UBE2E1: variants seen among roughly 807,000 people sequenced by gnomAD.
The protein encoded by UBE2E1 is ubiquitin conjugating enzyme E2 E1, also known as ubiquitin-conjugating enzyme E2 E1.
Under a neutral mutation model 21.4 loss-of-function variants are expected in UBE2E1, and 6 were observed. The ratio of observed to expected loss-of-function variants is 0.28; its 90% confidence interval spans 0.15 to 0.55. The LOEUF is 0.55. Among genes scored for constraint, UBE2E1 ranks in the 20% least tolerant of loss-of-function variants. The probability of loss-of-function intolerance (pLI) is 0.93; values close to 1 mark genes in which losing one functional copy is unlikely to be tolerated. For missense variants in UBE2E1, 142 were observed against 236.5 expected, an observed-to-expected ratio of 0.60 and a Z score of 2.62; for synonymous variants, 87 against 82.7, an observed-to-expected ratio of 1.05 and a Z score of -0.28.
intron 3 of UBE2E1, among the ~76,000 whole-genome samples, chr3:23,857,170 C>T (rs1700460892): frequency 6.6e-6 from 1 of 151,704 alleles, no homozygotes; most frequent in Non-Finnish European, 1.5e-5. Context: ...AGGAAATTGG[C>T]ACTGAAGGGC....
chr3:23,829,164 C>CAAAA lies in UBE2E1; in HGVS notation c.203+17667_203+17670dup, dbSNP rs56097157. Among the ~76,000 whole-genome samples, 336 of 128,060 alleles carry CAAAA rather than the reference C, an allele frequency of 2.6e-3. 8 individuals carry two copies. The highest frequency in any genetic ancestry group is 0.012 in the Middle Eastern group (3 of 252). 84.0% of individuals were successfully genotyped at this position (128,060 alleles called of 152,430 possible). On this transcript the variant is annotated intron_variant, in intron 3 of 5. Coordinates refer to ENST00000306627, the MANE Select transcript of UBE2E1 (RefSeq NM_003341.5). ...TTATTATTATTTTGAGACAGGGCCT[C>CAAAA]AAAAAAAAAAAAAAAAGAGAGGGCC...
chr3:23,878,907 T>A, intron 3 of UBE2E1: 1 of 354,138 alleles, frequency 2.8e-6, no homozygotes, highest in Non-Finnish European at 5.5e-6. Flanking sequence ...TCCCAAACCA[T>A]CCCACCCCCC....
At chr3:23,885,422 AG>A (rs1162223581) in intron 3 of UBE2E1, among the ~76,000 whole-genome samples, 1 of 152,198 alleles carries the variant, frequency 6.6e-6, no homozygotes, top group African/African-American at 2.4e-5. Flanking sequence ...TCACTGGAGA[AG>A]TTTCTGCCTG....
chr3:23,827,048 GAA>G (rs914088935), intron 3 of UBE2E1, among the ~76,000 whole-genome samples: 15 of 152,034 alleles, frequency 9.9e-5, no homozygotes, highest in African/African-American at 3.6e-4. Flanking sequence ...AAACAGCTAA[GAA>G]AAGGGCCCTT....
intron 3 of UBE2E1, among the ~76,000 whole-genome samples, chr3:23,815,750 C>T (rs1699501546): frequency 6.6e-6 from 1 of 152,208 alleles, no homozygotes. Flanking sequence ...CAGAAGTCAT[C>T]CTTTATAAAA....
rs1192102266 is a variant in UBE2E1 at position 23,842,694 on chromosome 3, C to T, written c.203+31184C>T. On this transcript the variant is annotated intron_variant, in intron 3 of 5. Coordinates refer to ENST00000306627, the MANE Select transcript of UBE2E1 (RefSeq NM_003341.5). The surrounding 1 kb of genome is among the most constrained non-coding windows in gnomAD (Gnocchi z 4.6). ...ATCTCATTATCACAAATTACAAGTG[C>T]GCTATTCGGTTTTTAAAAATTTTAA... 3.9e-5 allele frequency among the ~76,000 whole-genome samples: 6 copies of T among 152,034 alleles called. No homozygotes were observed. Among genetic ancestry groups the T allele is most frequent in the Non-Finnish European group, 8.8e-5 (6 of 68,016 alleles).
At position 23,891,512 on chromosome 3, in the gene UBE2E1, A is replaced by G. The variant is rs1701465828; in HGVS notation, c.*906A>G. 6.6e-6 allele frequency: 1 copy of G among 152,210 alleles called. No individual in the cohort carries two copies. The highest frequency in any genetic ancestry group is 2.4e-5 in the African/African-American group (1 of 41,448). The allele number at this position is 152,210 out of a possible 1,614,324, so 9.4% of individuals were successfully genotyped here. On this transcript the variant is annotated 3_prime_UTR_variant, in exon 6 of 6. Transcript: ENST00000306627. ...TAGAAAAGGTTAAATAATCTACCCC[A>G]TTTAGGCTTCAAAGACGAACCCTAC...
intron 3 of UBE2E1, among the ~76,000 whole-genome samples, chr3:23,847,918 T>A (rs1451953418): frequency 6.6e-6 from 1 of 152,246 alleles, no homozygotes; most frequent in African/African-American, 2.4e-5. Flanking sequence ...CAGTTTCTTG[T>A]GCATCCTGTG....
Position 23,842,250 on chromosome 3 carries a change from G to GTGTGTGTGTGTTGT in UBE2E1, c.203+30743_203+30744insGTGTGTGTTGTTGT, listed in dbSNP as rs1553637746. On this transcript the variant is annotated intron_variant, in intron 3 of 5. Coordinates refer to ENST00000306627, the MANE Select transcript of UBE2E1 (RefSeq NM_003341.5). This position sits in a 1 kb window ranked among gnomAD's most constrained non-coding sequence, Gnocchi z 4.6. ...GTGTGTGTGTGTGTGTGTGTGTGTG[G>GTGTGTGTGTGTTGT]TGTTGTTGTTGTTGGCGACAGGGTC... 1.2e-5 allele frequency among the ~76,000 whole-genome samples: 1 copy of GTGTGTGTGTGTTGT among 86,288 alleles called. No homozygotes were observed. Among genetic ancestry groups the GTGTGTGTGTGTTGT allele is most frequent in the Non-Finnish European group, 2.3e-5 (1 of 43,230 alleles). 56.6% of individuals were successfully genotyped at this position (86,288 alleles called of 152,430 possible). A position where few individuals can be genotyped will look rare whatever the true frequency, so the allele number is the denominator to read the frequency against.
At chr3:23,889,428 C>T in intron 5 of UBE2E1, 169 bp downstream of exon 5, 2 of 1,462,550 alleles carry the variant, frequency 1.4e-6, no homozygotes, top group Non-Finnish European at 1.8e-6. Flanking sequence ...CTAGTTGAGA[C>T]ACACAACTTC....
chr3:23,811,163 C>T (rs988047975), intron 2 of UBE2E1: 1 of 453,088 alleles, frequency 2.2e-6, no homozygotes, highest in African/African-American at 1.9e-5. Context: ...AAGTGAGAAA[C>T]TTTAAAATTA....
At chr3:23,820,177 A>G (rs1303970030) in intron 3 of UBE2E1, among the ~76,000 whole-genome samples, 1 of 152,226 alleles carries the variant, frequency 6.6e-6, no homozygotes, top group Non-Finnish European at 1.5e-5. Context: ...GTTTCATAAT[A>G]AGCCCATTCT....
intron 2 of UBE2E1, among the ~76,000 whole-genome samples, chr3:23,809,600 G>C (rs1450804730): frequency 6.6e-6 from 1 of 152,210 alleles, no homozygotes; most frequent in African/African-American, 2.4e-5. Flanking sequence ...TGTCTGTCAA[G>C]ATGAAGTTGA....
At chr3:23,882,898 G>C (rs1575040484) in intron 3 of UBE2E1, among the ~76,000 whole-genome samples, 1 of 152,052 alleles carries the variant, frequency 6.6e-6, no homozygotes, top group African/African-American at 2.4e-5. Flanking sequence ...CGCAGCCCCA[G>C]TTCCCACCCG....
intron 3 of UBE2E1, among the ~76,000 whole-genome samples, chr3:23,859,697 C>A (rs972057752): frequency 5.9e-5 from 9 of 152,164 alleles, no homozygotes; most frequent in Admixed American, 3.9e-4. Context: ...CAGAGATATT[C>A]TCTCCAAAAT....
At position 23,887,906 on chromosome 3, in the gene UBE2E1, G is replaced by C. The variant is rs1701224724; in HGVS notation, c.336+207G>C. On this transcript the variant is annotated intron_variant, in intron 4 of 5. Transcript: ENST00000306627. This position sits in a 1 kb window ranked among gnomAD's most constrained non-coding sequence, Gnocchi z 4.4. ...ATTCTAGGATTAAGTGCTTTGTTTT[G>C]ATGGTGCTTAAAATTGTGCTATTTA... 1 of 617,004 alleles carries C rather than the reference G, an allele frequency of 1.6e-6. No homozygotes were observed. The highest frequency in any genetic ancestry group is 3.4e-5 in the Admixed American group (1 of 29,572). The allele number at this position is 617,004 out of a possible 1,614,324, so 38.2% of individuals were successfully genotyped here.
At chr3:23,881,910 G>A (rs928315740) in intron 3 of UBE2E1, among the ~76,000 whole-genome samples, 1 of 152,154 alleles carries the variant, frequency 6.6e-6, no homozygotes, top group African/African-American at 2.4e-5. Context: ...GAGTGTTACA[G>A]CTTTTAAGGC....
rs899384184 is a variant in UBE2E1, at chr3:23,883,952, C to T, written c.204-3615C>T. 3.3e-5 allele frequency among the ~76,000 whole-genome samples: 5 copies of T among 150,894 alleles called. No homozygotes were observed. The East Asian group carries it at 9.7e-4, about 29-fold the overall frequency. On this transcript the variant is annotated intron_variant, in intron 3 of 5. Transcript: ENST00000306627. ...TGATATTCAGGTAACAATGCTTGGTCTTTTCCAGTGGATTCTCAAGACCAT... is the reference window on the plus strand; with the variant it reads ...TGATATTCAGGTAACAATGCTTGGTTTTTTCCAGTGGATTCTCAAGACCAT...
At chr3:23,888,135 G>T (rs1701233188) in intron 4 of UBE2E1, 1 of 440,544 alleles carries the variant, frequency 2.3e-6, no homozygotes, top group Non-Finnish European at 4.5e-6. Flanking sequence ...AAAAGGCAGG[G>T]CAGGTCAGGG....
Sources: allele counts gnomAD v4.1 joint callset (sites outside exome capture counted in the v4.1 genomes callset), GRCh38; gene constraint gnomAD v4.1.1; non-coding constraint Gnocchi (gnomAD v3.1); transcripts MANE v1.5; gene names NCBI Gene and HGNC (gene_info 2026-07-23, HGNC 2026-07-21).